RFX7: variants seen among roughly 807,000 people sequenced by gnomAD.
The protein encoded by RFX7 is regulatory factor X7.
Under a neutral mutation model 111.8 loss-of-function variants are expected in RFX7, and 26 were observed. The observed-to-expected ratio is 0.23, with a 90% confidence interval of 0.17 to 0.32. The LOEUF is 0.32. Ranked by LOEUF, RFX7 falls within the 10% of genes least tolerant of loss-of-function variation. The pLI, the probability that RFX7 is intolerant of heterozygous loss-of-function variation, is 1.00. For synonymous variants in RFX7, 624 were observed against 624.4 expected (o/e 1.00, Z 0.01); for missense variants, 1,573 against 1,772.9 (o/e 0.89, Z 2.02).
At chr15:56,108,772 C>A (rs996939628) in intron 5 of RFX7, among the ~76,000 whole-genome samples, 3 of 152,148 alleles carry the variant, frequency 2.0e-5, no homozygotes, top group African/African-American at 7.2e-5. Flanking sequence ...TGTCTGTAGA[C>A]AACATGATCC....
At chr15:56,208,431 C>G (rs2141193354) in intron 2 of RFX7, among the ~76,000 whole-genome samples, 1 of 152,232 alleles carries the variant, frequency 6.6e-6, no homozygotes, top group South Asian at 2.1e-4. Flanking sequence ...AGAATGCTCC[C>G]CCACATACCT....
intron 8 of RFX7, among the ~76,000 whole-genome samples, chr15:56,100,902 A>G (rs549033884): frequency 1.3e-5 from 2 of 152,280 alleles, no homozygotes; most frequent in African/African-American, 4.8e-5. Flanking sequence ...TTTGAGGCTA[A>G]GTTACCTGTC....
chr15:56,096,291 G>A lies in RFX7; in HGVS notation c.1437C>T (p.Ser479=). 1 of 1,613,922 alleles carries A rather than the reference G, an allele frequency of 6.2e-7. No individual in the cohort carries two copies. ...SLNVVKMTTI[S]LTPSNSNTPL... is the part of the protein sequence containing the mutation. ...GGGTGTTACTGTTGCTGGGTGTGAGGGATATTGTTGTCATTTTCACCACAT... is the reference window on the plus strand; with the variant it reads ...GGGTGTTACTGTTGCTGGGTGTGAGAGATATTGTTGTCATTTTCACCACAT... Residue 479 remains serine (S), a synonymous_variant, in exon 10 of 10, where the codon TCC becomes TCT. Transcript: ENST00000559447.
In RFX7 at chr15:56,144,392, T is replaced by G; in HGVS notation, c.278+9A>C. ...AGCATAATTATAGCAAAGACAAGAA[T>G]AGATATACCTTTTCTCTCCATTGCT... On this transcript the variant is annotated intron_variant, in intron 4 of 9. Coordinates refer to ENST00000559447, the MANE Select transcript of RFX7 (RefSeq NM_022841.7). 7.5e-7 allele frequency: 1 copy of G among 1,325,714 alleles called. No homozygotes were observed. The highest frequency in any genetic ancestry group is 1.0e-6 in the Non-Finnish European group (1 of 984,560). The allele number at this position is 1,325,714 out of a possible 1,614,324, so 82.1% of individuals were successfully genotyped here. A position where few individuals can be genotyped will look rare whatever the true frequency, so the allele number is the denominator to read the frequency against.
At chr15:56,189,028 A>G (rs188889247) in intron 2 of RFX7, among the ~76,000 whole-genome samples, 10 of 152,274 alleles carry the variant, frequency 6.6e-5, no homozygotes, top group Non-Finnish European at 7.4e-5. Flanking sequence ...CATGTTGGCC[A>G]TGCTGGTCTT....
In RFX7 at chr15:56,096,053, C is replaced by T. The variant is rs1256196903; in HGVS notation, c.1675G>A (p.Ala559Thr). 3.7e-6 allele frequency: 6 copies of T among 1,613,256 alleles called. No homozygotes were observed. In the Admixed American group the frequency reaches 5.0e-5, roughly 13 times the overall value. The change falls in exon 10 of 10, where the codon GCT becomes ACT. Residue 559 changes from alanine (A) to threonine (T), a missense_variant. By Grantham distance (58) the Ala-to-Thr change is moderately conservative (BLOSUM62 0). Transcript: ENST00000559447. ...PVQCQENSDE[A>T]KAPQTPSALL... ...GCACTAGGTGTCTGGGGAGCTTTAG[C>T]CTCATCAGAGTTCTCTTGGCACTGT... is the stretch of plus-strand genomic sequence containing the variant.
chr15:56,198,861 A>T (rs1052421204), intron 2 of RFX7, among the ~76,000 whole-genome samples: 6 of 152,222 alleles, frequency 3.9e-5, no homozygotes, highest in Middle Eastern at 3.4e-3. Context: ...ATTTTTTACA[A>T]TGAAAAGTTA....
chr15:56,122,117 T>G (rs2042086761), intron 5 of RFX7, among the ~76,000 whole-genome samples: 1 of 152,180 alleles, frequency 6.6e-6, no homozygotes, highest in Non-Finnish European at 1.5e-5. Flanking sequence ...GTTAGATATT[T>G]ATCGTAGTGT....
intron 5 of RFX7, among the ~76,000 whole-genome samples, chr15:56,137,164 T>C (rs2042315224): frequency 6.6e-6 from 1 of 152,144 alleles, no homozygotes; most frequent in South Asian, 2.1e-4. Context: ...CTTTTTCTAT[T>C]GATTGGAATA....
At chr15:56,199,091 G>C (rs1423610842) in intron 2 of RFX7, among the ~76,000 whole-genome samples, 1 of 152,026 alleles carries the variant, frequency 6.6e-6, no homozygotes, top group Non-Finnish European at 1.5e-5. Context: ...ACAGCTAAGA[G>C]ACTGCAGTCT....
chr15:56,088,199 T>A lies in RFX7; in HGVS notation c.*5146A>T. The A allele has an allele frequency of 5.5e-6, 1 of 181,678 alleles. No homozygotes were observed. Among genetic ancestry groups the A allele is most frequent in the East Asian group, 1.7e-4 (1 of 6,000 alleles). 11.3% of individuals were successfully genotyped at this position (181,678 alleles called of 1,614,324 possible). ...AAGCAACCAGATCATACAACTGCAG[T>A]AGGTACACTGTGAACACATATCTTA... On this transcript the variant is annotated 3_prime_UTR_variant, in exon 10 of 10. Coordinates refer to ENST00000559447, the MANE Select transcript of RFX7 (RefSeq NM_022841.7).
intron 3 of RFX7, among the ~76,000 whole-genome samples, chr15:56,149,716 C>T (rs1229605092): frequency 1.3e-5 from 2 of 152,160 alleles, no homozygotes; most frequent in South Asian, 4.1e-4. Flanking sequence ...AGGAGATTCC[C>T]TCTGGTGACT....
rs1243829523 is a variant in RFX7, at chr15:56,087,470, A to C, written c.*5875T>G. 1 of 456,684 alleles carries C rather than the reference A, an allele frequency of 2.2e-6. No homozygotes were observed. The highest frequency in any genetic ancestry group is 4.4e-6 in the Non-Finnish European group (1 of 226,960). 28.3% of individuals were successfully genotyped at this position (456,684 alleles called of 1,614,324 possible). Reference sequence around the variant, plus strand: ...GAGGGCTGCTTGAGTTCTAGCCATCACATTTGCATTCCAGCCAGCAGAGAG... The same window carrying C: ...GAGGGCTGCTTGAGTTCTAGCCATCCCATTTGCATTCCAGCCAGCAGAGAG... On this transcript the variant is annotated 3_prime_UTR_variant, in exon 10 of 10. Transcript: ENST00000559447.
At chr15:56,106,288 A>G (rs2041828624) in intron 5 of RFX7, among the ~76,000 whole-genome samples, 1 of 152,246 alleles carries the variant, frequency 6.6e-6, no homozygotes. Context: ...TTGGAAGGAT[A>G]TAACAACCTC....
Position 56,095,923 on chromosome 15 carries a change from C to A in RFX7, c.1805G>T (p.Cys602Phe). Residue 602 changes from cysteine to phenylalanine, a missense_variant, in exon 10 of 10, where the codon TGT (cysteine) becomes TTT (phenylalanine). Transcript: ENST00000559447. ...CAGCATTTCATTACAGCGACTTTTACATTTGGTCCTCTGGTCACAGACCTT... is the reference window on the plus strand; with the variant it reads ...CAGCATTTCATTACAGCGACTTTTAAATTTGGTCCTCTGGTCACAGACCTT... ...ATKVCDQRTK[C>F]KSRCNEMLPG... The A allele has an allele frequency of 6.2e-7, 1 of 1,606,082 alleles. No individual in the cohort carries two copies.
chr15:56,151,173 G>T (rs1220039589), intron 3 of RFX7, among the ~76,000 whole-genome samples: 1 of 152,176 alleles, frequency 6.6e-6, no homozygotes, highest in African/African-American at 2.4e-5. Flanking sequence ...AACCGAGCAA[G>T]ACAGGCCAAC....
intron 5 of RFX7, among the ~76,000 whole-genome samples, chr15:56,129,522 G>T (rs2042186312): frequency 6.6e-6 from 1 of 152,054 alleles, no homozygotes; most frequent in Admixed American, 6.6e-5. Flanking sequence ...AAATGGTATA[G>T]GAAAAAAACT....
At chr15:56,200,724 G>A (rs2043185590) in intron 2 of RFX7, among the ~76,000 whole-genome samples, 1 of 152,170 alleles carries the variant, frequency 6.6e-6, no homozygotes. Flanking sequence ...GCTTGAATGA[G>A]GGAGTCGGAG....
intron 4 of RFX7, among the ~76,000 whole-genome samples, chr15:56,143,520 C>A (rs1391149984): frequency 1.3e-5 from 2 of 151,950 alleles, no homozygotes; most frequent in Middle Eastern, 3.2e-3. Context: ...CCTGACATAT[C>A]CATTAAACAC....
Sources: allele counts gnomAD v4.1 joint callset (sites outside exome capture counted in the v4.1 genomes callset), GRCh38; gene constraint gnomAD v4.1.1; transcripts MANE v1.5; gene names NCBI Gene and HGNC (gene_info 2026-07-23, HGNC 2026-07-21).